MDM4: variants seen among roughly 807,000 people sequenced by gnomAD.
The protein encoded by MDM4 is protein Mdm4.
Under a neutral mutation model 60.2 loss-of-function variants are expected in MDM4, and 2 were observed. The observed-to-expected ratio is 0.03, with a 90% CI of 0.01 to 0.10. The LOEUF is 0.10. MDM4 is among the 10% of genes least tolerant of loss of function. The probability of loss-of-function intolerance (pLI) is 1.00; values close to 1 mark genes in which losing one functional copy is unlikely to be tolerated. For missense variants in MDM4, 447 were observed against 577.5 expected, an observed-to-expected ratio of 0.77 and a Z score of 2.32; for synonymous variants, 202 against 198.1, an observed-to-expected ratio of 1.02 and a Z score of -0.17.
intron 7 of MDM4, among the ~76,000 whole-genome samples, chr1:204,542,382 AG>A (rs1171325745): frequency 2.0e-5 from 3 of 152,226 alleles, no homozygotes; most frequent in Non-Finnish European, 2.9e-5. Flanking sequence ...AACTATTATC[AG>A]GCACTATGTA....
rs56084242 is a variant in MDM4 at position 204,517,854 on chromosome 1, A to ATT, written c.-36+1354_-36+1355dup. ...GATTTAGTCTTCTCTCTCCTCATAC[A>ATT]TTTTTTTTTTAATAGATGGGATTTC... On this transcript the variant is annotated intron_variant, in intron 1 of 10. Coordinates refer to ENST00000367182, the MANE Select transcript of MDM4 (RefSeq NM_002393.5). Among the ~76,000 whole-genome samples the ATT allele has an allele frequency of 4.4e-3, 662 of 149,250 alleles. 10 individuals are homozygous for ATT. Among genetic ancestry groups the ATT allele is most frequent in the African/African-American group, 0.016 (635 of 40,370 alleles).
At chr1:204,537,897 CAT>C (rs1273475836) in intron 6 of MDM4, 2 of 682,934 alleles carry the variant, frequency 2.9e-6, no homozygotes, top group East Asian at 6.2e-5. Context: ...GCGAGGGTTT[CAT>C]ATGTTTTCTG....
chr1:204,532,078 C>T (rs960876830), intron 4 of MDM4, 113 bp from the exon 5 acceptor site: 13 of 651,974 alleles, frequency 2.0e-5, no homozygotes, highest in Admixed American at 2.0e-4. Flanking sequence ...GTATGCCTTA[C>T]AGAGAGACTT....
Position 204,557,401 on chromosome 1 carries a change from C to CAA in MDM4, c.*7727_*7728dup. The CAA allele has an allele frequency of 5.6e-6, 1 of 178,640 alleles. No homozygotes were observed. The allele number at this position is 178,640 out of a possible 1,614,324, so 11.1% of individuals were successfully genotyped here. ...ACCACCTTGCTGTGGTCTTGATGTA[C>CAA]AAAAAAAAATTTTTTTTTTGAGACA... On this transcript the variant is annotated 3_prime_UTR_variant, in exon 11 of 11. Transcript: ENST00000367182.
chr1:204,524,464 G>A (rs1207773388), intron 1 of MDM4, among the ~76,000 whole-genome samples: 4 of 152,174 alleles, frequency 2.6e-5, no homozygotes, highest in East Asian at 1.9e-4. Context: ...ATAAATGAAG[G>A]TTAACTTAAG....
At chr1:204,527,235 A>G (rs1242702084) in intron 3 of MDM4, among the ~76,000 whole-genome samples, 22 of 152,058 alleles carry the variant, frequency 1.4e-4, no homozygotes, top group Admixed American at 1.4e-3. Context: ...TGAACCCAGA[A>G]GGTGAAGGTT....
chr1:204,517,191 G>A (rs557616599), intron 1 of MDM4, among the ~76,000 whole-genome samples: 2 of 151,112 alleles, frequency 1.3e-5, no homozygotes, highest in South Asian at 4.2e-4. Context: ...GCAGTGAGTC[G>A]AGATCGCGCC....
chr1:204,522,561 C>A (rs537042637), intron 1 of MDM4, among the ~76,000 whole-genome samples: 15 of 151,934 alleles, frequency 9.9e-5, no homozygotes, highest in African/African-American at 3.6e-4. Context: ...CCACACCTGG[C>A]TAATTTTTGT....
intron 1 of MDM4, among the ~76,000 whole-genome samples, chr1:204,520,150 G>A (rs1005561377): frequency 2.0e-5 from 3 of 152,126 alleles, no homozygotes; most frequent in Middle Eastern, 3.4e-3. Flanking sequence ...GGTGGTGGAC[G>A]CCTGTAGTCC....
rs753564034 is a variant in MDM4 at position 204,526,354 on chromosome 1, T to C, written c.79-6T>C. On this transcript the variant is annotated splice_region_variant and splice_polypyrimidine_tract_variant and intron_variant, in intron 2 of 10. Transcript: ENST00000367182. ...AAATAGCACATTTATTTTATGTTTA[T>C]ATCAGGTACGACCAAAACTGCCGCT... is the stretch of plus-strand genomic sequence containing the variant. 1 of 1,611,032 alleles carries C rather than the reference T, an allele frequency of 6.2e-7. No individual in the cohort carries two copies. The highest frequency in any genetic ancestry group is 8.5e-7 in the Non-Finnish European group (1 of 1,177,490).
At chr1:204,525,375 T>A in intron 1 of MDM4, 109 bp from the exon 2 acceptor site, 1 of 1,431,774 alleles carries the variant, frequency 7.0e-7, no homozygotes, top group Non-Finnish European at 9.1e-7. Context: ...CGGTGCTCCA[T>A]TATATGTGTC....
intron 1 of MDM4, among the ~76,000 whole-genome samples, chr1:204,523,222 C>T (rs1292665606): frequency 6.7e-6 from 1 of 149,450 alleles, no homozygotes; most frequent in Non-Finnish European, 1.5e-5. Flanking sequence ...GTAATCCCAG[C>T]ACTTTGGGAG....
chr1:204,548,318 C>T (rs997737281), intron 10 of MDM4, among the ~76,000 whole-genome samples: 1 of 152,186 alleles, frequency 6.6e-6, no homozygotes, highest in Non-Finnish European at 1.5e-5. Context: ...ATGGTTGTGC[C>T]CTTGCCTCAG....
At chr1:204,538,006 C>T in intron 6 of MDM4, 1 of 762,106 alleles carries the variant, frequency 1.3e-6, no homozygotes, top group Non-Finnish European at 2.5e-6. Flanking sequence ...TTTTTCCCCC[C>T]AGGTTTGGGA....
rs138267072 is a variant in MDM4 at position 204,557,031 on chromosome 1, C to T, written c.*7349C>T. The T allele has an allele frequency of 2.3e-3, 481 of 205,126 alleles. 3 individuals carry two copies. Among genetic ancestry groups the T allele is most frequent in the African/African-American group, 0.01 (456 of 43,810 alleles). 12.7% of individuals were successfully genotyped at this position (205,126 alleles called of 1,614,324 possible). A position where few individuals can be genotyped will look rare whatever the true frequency, so the allele number is the denominator to read the frequency against. On this transcript the variant is annotated 3_prime_UTR_variant, in exon 11 of 11. Transcript: ENST00000367182. ...TTTCTCATATATAAAAAGCAGTATACATACCTACCCTTTTCTACCTCATCA... is the reference window on the plus strand; with the variant it reads ...TTTCTCATATATAAAAAGCAGTATATATACCTACCCTTTTCTACCTCATCA...
chr1:204,549,731 A>G lies in MDM4; in HGVS notation c.*49A>G, dbSNP rs1426722857. On this transcript the variant is annotated 3_prime_UTR_variant, in exon 11 of 11. Transcript: ENST00000367182. ...ATTTATTCCGTTCACTTACCACATT[A>G]TTTGAAAATCAATCCTTTATTTAAT... is the stretch of plus-strand genomic sequence containing the variant. 9.2e-7 allele frequency: 1 copy of G among 1,087,002 alleles called. No individual in the cohort carries two copies. Among genetic ancestry groups the G allele is most frequent in the South Asian group, 1.8e-5 (1 of 56,506 alleles). 67.3% of individuals were successfully genotyped at this position (1,087,002 alleles called of 1,614,324 possible).
rs187120471 is a variant in MDM4 at position 204,525,844 on chromosome 1, G to A, written c.78+248G>A. 2.1e-3 allele frequency among the ~76,000 whole-genome samples: 325 copies of A among 152,196 alleles called. 5 individuals are homozygous for A. The highest frequency in any genetic ancestry group is 2.0e-3 in the Non-Finnish European group (135 of 68,012). ...TAGTTCTAGCTACTTGGGAGCCTGAGGCGGGATATCACTTGAGCCCAGGAG... is the reference window on the plus strand; with the variant it reads ...TAGTTCTAGCTACTTGGGAGCCTGAAGCGGGATATCACTTGAGCCCAGGAG... On this transcript the variant is annotated intron_variant, in intron 2 of 10. Transcript: ENST00000367182.
chr1:204,521,422 A>G lies in MDM4; in HGVS notation c.-35-4062A>G, dbSNP rs904330383. 5.3e-5 allele frequency among the ~76,000 whole-genome samples: 8 copies of G among 152,010 alleles called. No homozygotes were observed. The East Asian group carries it at 1.5e-3, about 29-fold the overall frequency. ...TGTTTTCTTTCTTTTTTTTAAGGAC[A>G]CCTCGAGACCGTTGAGTAAGTGCTT... On this transcript the variant is annotated intron_variant, in intron 1 of 10. Coordinates refer to ENST00000367182, the MANE Select transcript of MDM4 (RefSeq NM_002393.5).
intron 3 of MDM4, among the ~76,000 whole-genome samples, chr1:204,527,819 GT>G (rs973292700): frequency 6.6e-6 from 1 of 151,516 alleles, no homozygotes; most frequent in Non-Finnish European, 1.5e-5. Context: ...ATTTGGTGGG[GT>G]AGATATCTAA....
Sources: gnomAD v4.1 joint callset for allele counts (sites outside exome capture counted in the v4.1 genomes callset) on GRCh38, gnomAD v4.1.1 for gene constraint, MANE v1.5 for transcripts, NCBI Gene and HGNC (gene_info 2026-07-23, HGNC 2026-07-21) for gene names.